Variants in SYT6 observed in about 807,000 individuals in gnomAD.
SYT6 encodes synaptotagmin 6, also known as synaptotagmin-6.
SYT6 carries 24 observed loss-of-function variants against 38.4 expected under a neutral mutation model. The observed-to-expected ratio is 0.62, with a 90% CI of 0.45 to 0.88. The LOEUF (loss-of-function observed/expected upper bound fraction) is 0.88, where lower values mean the gene tolerates loss of function less well. SYT6 is among the 40% of genes least tolerant of loss of function. SYT6 has a pLI of 0.00. For missense variants in SYT6, 611 were observed against 621.0 expected (o/e 0.98, Z 0.17); for synonymous variants, 265 against 241.9 (o/e 1.10, Z -0.89).
At chr1:114,116,777 G>A (rs1429665908) in intron 3 of SYT6, among the ~76,000 whole-genome samples, 1 of 152,084 alleles carries the variant, frequency 6.6e-6, no homozygotes, top group African/African-American at 2.4e-5. Context: ...TTCCACCCCC[G>A]CCCGGAACTC....
rs1675320954 is a variant in SYT6, at chr1:114,091,873, A to G, written c.*261T>C. The G allele has an allele frequency of 2.7e-5, 20 of 748,114 alleles. 1 individual carries two copies. The South Asian group carries it at 3.6e-4, about 13-fold the overall frequency. The allele number at this position is 748,114 out of a possible 1,614,324, so 46.3% of individuals were successfully genotyped here. On this transcript the variant is annotated 3_prime_UTR_variant, in exon 8 of 8. Coordinates refer to ENST00000610222, the MANE Select transcript of SYT6 (RefSeq NM_001253772.2). ...GACAAGTGTCTCAGCTTTGACCTAC[A>G]CAGGAGCAGGTAAGACTCTGGAGTG...
At position 114,106,559 on chromosome 1, in the gene SYT6, C is replaced by G. The variant is rs901144; in HGVS notation, c.1072-2838G>C. Among the ~76,000 whole-genome samples, 652 of 152,288 alleles carry G rather than the reference C, an allele frequency of 4.3e-3. 7 individuals carry two copies. Among genetic ancestry groups the G allele is most frequent in the African/African-American group, 0.015 (612 of 41,550 alleles). On this transcript the variant is annotated intron_variant, in intron 3 of 7. Transcript: ENST00000610222. ...AGCTTGCACTTGGGGCTTTCAGCAA[C>G]TGGGCCCTGTCCTACCTCCTCACCT...
At chr1:114,097,228 TC>T (rs754770495) in intron 6 of SYT6, among the ~76,000 whole-genome samples, 6 of 152,170 alleles carry the variant, frequency 3.9e-5, no homozygotes, top group Admixed American at 1.3e-4. Context: ...CATGCTCCCT[TC>T]CCCAACAAGG....
chr1:114,092,332 CTCTCTCTGTGTG>C lies in SYT6; in HGVS notation c.*52-262_*52-251del, dbSNP rs1181241585. Among the ~76,000 whole-genome samples, 12 of 138,856 alleles carry C rather than the reference CTCTCTCTGTGTG, an allele frequency of 8.6e-5. No individual in the cohort carries two copies. The South Asian group carries it at 2.6e-3, about 30-fold the overall frequency. The allele number at this position is 138,856 out of a possible 152,430, so 91.1% of individuals were successfully genotyped here. On this transcript the variant is annotated intron_variant, in intron 7 of 7. Transcript: ENST00000610222. ...CTTAACTCTCTCTCTCTCTCTCTCT[CTCTCTCTGTGTG>C]TGTGTGTGTGTGTGTGTGTGTGTGA...
At chr1:114,114,718 T>C (rs187062603) in intron 3 of SYT6, among the ~76,000 whole-genome samples, 1 of 152,330 alleles carries the variant, frequency 6.6e-6, no homozygotes, top group African/African-American at 2.4e-5. Context: ...GTTCGTGATA[T>C]AAGGCGAGAG....
At chr1:114,105,655 C>G (rs1403473143) in intron 3 of SYT6, among the ~76,000 whole-genome samples, 1 of 152,174 alleles carries the variant, frequency 6.6e-6, no homozygotes, top group Non-Finnish European at 1.5e-5. Flanking sequence ...AGCTGTGAGG[C>G]TCTCAGCAAC....
chr1:114,126,742 T>C (rs1342729402), intron 3 of SYT6, among the ~76,000 whole-genome samples: 2 of 152,234 alleles, frequency 1.3e-5, no homozygotes, highest in South Asian at 2.1e-4. Flanking sequence ...CACAGCATAC[T>C]AATGAGGGGC....
Position 114,139,596 on chromosome 1 carries a change from G to C in SYT6, c.512+19C>G. 1 of 1,613,720 alleles carries C rather than the reference G, an allele frequency of 6.2e-7. No homozygotes were observed. The highest frequency in any genetic ancestry group is 8.5e-7 in the Non-Finnish European group (1 of 1,179,906). Reference sequence around the variant, plus strand: ...TGTGGAGGTGTGGGGGTCAGGGAAGGGAGTGGTCCACTCCTCACCTGGTGG... The same window carrying C: ...TGTGGAGGTGTGGGGGTCAGGGAAGCGAGTGGTCCACTCCTCACCTGGTGG... On this transcript the variant is annotated intron_variant, in intron 2 of 7. Transcript: ENST00000610222.
intron 6 of SYT6, among the ~76,000 whole-genome samples, chr1:114,096,340 A>G (rs1475699020): frequency 1.3e-5 from 2 of 152,168 alleles, no homozygotes; most frequent in African/African-American, 2.4e-5. Context: ...CTCCACAGCT[A>G]TGGGACAATC....
chr1:114,136,822 T>A (rs1044225799), intron 3 of SYT6, among the ~76,000 whole-genome samples: 1 of 152,210 alleles, frequency 6.6e-6, no homozygotes, highest in African/African-American at 2.4e-5. Flanking sequence ...TGTCCAGCTC[T>A]CCTTCTGGGC....
rs971424292 is a variant in SYT6, at chr1:114,153,693, G to A, written c.80C>T (p.Pro27Leu). ...AVLASLCRAR[P>L]PPLGLDVETC... is the part of the protein sequence containing the mutation. Reference sequence around the variant, plus strand: ...CTCCACGTCCAGCCCGAGAGGGGGCGGCCGGGCCCGGCACAGCGAGGCGAG... The same window carrying A: ...CTCCACGTCCAGCCCGAGAGGGGGCAGCCGGGCCCGGCACAGCGAGGCGAG... The change falls in exon 1 of 8, where the codon CCG becomes CTG. Residue 27 changes from proline (P) to leucine (L), a missense_variant. Transcript: ENST00000610222. 11 of 675,012 alleles carry A rather than the reference G, an allele frequency of 1.6e-5. No homozygotes were observed. Among genetic ancestry groups the A allele is most frequent in the Admixed American group, 1.6e-4 (7 of 45,148 alleles). 41.8% of individuals were successfully genotyped at this position (675,012 alleles called of 1,614,324 possible).
intron 1 of SYT6, chr1:114,152,903 C>T (rs896009673): frequency 1.3e-5 from 2 of 152,346 alleles, no homozygotes; most frequent in East Asian, 3.9e-4. Context: ...CCAGCTCAGT[C>T]GCGCACCGGC....
intron 3 of SYT6, among the ~76,000 whole-genome samples, chr1:114,106,661 C>T (rs1290330696): frequency 6.6e-6 from 1 of 151,994 alleles, no homozygotes; most frequent in African/African-American, 2.4e-5. Context: ...GTCAAAATGC[C>T]TCCCCTTCTC....
At chr1:114,151,980 C>T (rs560190895) in intron 1 of SYT6, among the ~76,000 whole-genome samples, 26 of 152,260 alleles carry the variant, frequency 1.7e-4, no homozygotes, top group African/African-American at 5.8e-4. Context: ...ATTGACTAAA[C>T]ATTGCCACAA....
At chr1:114,148,975 C>T (rs1197559879) in intron 1 of SYT6, among the ~76,000 whole-genome samples, 2 of 152,024 alleles carry the variant, frequency 1.3e-5, no homozygotes, top group Non-Finnish European at 2.9e-5. Context: ...GGAGTGGGGG[C>T]AGGCATTTCT....
intron 3 of SYT6, among the ~76,000 whole-genome samples, chr1:114,111,250 C>T (rs1000592937): frequency 2.0e-5 from 3 of 152,196 alleles, no homozygotes; most frequent in African/African-American, 7.2e-5. Context: ...TGCTGTCCTG[C>T]CCTAAGTGCT....
chr1:114,105,379 C>T (rs1488804670), intron 3 of SYT6, among the ~76,000 whole-genome samples: 5 of 149,582 alleles, frequency 3.3e-5, no homozygotes, highest in Admixed American at 3.3e-4. Flanking sequence ...GCACTCTCCT[C>T]TAGGCAGCCC....
chr1:114,120,003 G>A (rs549082704), intron 3 of SYT6, among the ~76,000 whole-genome samples: 3 of 151,232 alleles, frequency 2.0e-5, no homozygotes, highest in Non-Finnish European at 2.9e-5. Flanking sequence ...CCTGGGAGGC[G>A]GAACTTGCAG....
At chr1:114,134,153 C>T (rs528629812) in intron 3 of SYT6, among the ~76,000 whole-genome samples, 1 of 152,318 alleles carries the variant, frequency 6.6e-6, no homozygotes, top group South Asian at 2.1e-4. Context: ...GGGTCACAGG[C>T]TCTCTGCTTT....
Sources: allele counts gnomAD v4.1 joint callset (sites outside exome capture counted in the v4.1 genomes callset), GRCh38; gene constraint gnomAD v4.1.1; transcripts MANE v1.5; gene names NCBI Gene and HGNC (gene_info 2026-07-23, HGNC 2026-07-21).